Variants in UBE2J2 observed in about 807,000 individuals in gnomAD.
The protein encoded by UBE2J2 is ubiquitin conjugating enzyme E2 J2.
Under a neutral mutation model 28.6 loss-of-function variants are expected in UBE2J2, and 5 were observed. That is an observed-to-expected ratio of 0.17 (90% CI 0.09 to 0.37). The LOEUF is 0.37. UBE2J2 is among the 10% of genes least tolerant of loss of function. The pLI, the probability that UBE2J2 is intolerant of heterozygous loss-of-function variation, is 1.00. For synonymous variants in UBE2J2, 138 were observed against 139.7 expected (o/e 0.99, Z 0.09); for missense variants, 226 against 338.9 (o/e 0.67, Z 2.62).
intron 3 of UBE2J2, among the ~76,000 whole-genome samples, chr1:1,259,298 G>T (rs1639414263): frequency 6.6e-6 from 1 of 151,910 alleles, no homozygotes; most frequent in Admixed American, 6.5e-5. Flanking sequence ...CAGGACGCGT[G>T]TGCACGTGCG....
rs1639047852 is a variant in UBE2J2, at chr1:1,254,075, G to A, written c.*1128C>T. The A allele has an allele frequency of 6.6e-6, 1 of 152,220 alleles. No homozygotes were observed. The highest frequency in any genetic ancestry group is 2.1e-4 in the South Asian group (1 of 4,824). The allele number at this position is 152,220 out of a possible 1,614,324, so 9.4% of individuals were successfully genotyped here. On this transcript the variant is annotated 3_prime_UTR_variant, in exon 7 of 7. Transcript: ENST00000349431. ...TCTCACGCCCGCCTCCGGACAGGGTGGGTTTCTTGCCGGCGGCCGTGCCCC... is the reference window on the plus strand; with the variant it reads ...TCTCACGCCCGCCTCCGGACAGGGTAGGTTTCTTGCCGGCGGCCGTGCCCC...
intron 3 of UBE2J2, among the ~76,000 whole-genome samples, chr1:1,259,508 T>A (rs1267305509): frequency 1.3e-5 from 2 of 152,218 alleles, no homozygotes; most frequent in African/African-American, 4.8e-5. Context: ...CTGTGTAGGA[T>A]GCAGCACCCC....
At chr1:1,263,963 T>C (rs1252686489) in intron 2 of UBE2J2, among the ~76,000 whole-genome samples, 1 of 152,184 alleles carries the variant, frequency 6.6e-6, no homozygotes, top group Admixed American at 6.5e-5. Flanking sequence ...CCACATCCCA[T>C]TTGGGCAACA....
rs1639050897 is a variant in UBE2J2, at chr1:1,254,130, C to A, written c.*1073G>T. The A allele has an allele frequency of 6.6e-6, 1 of 152,194 alleles. No individual in the cohort carries two copies. The highest frequency in any genetic ancestry group is 2.4e-5 in the African/African-American group (1 of 41,440). The allele number at this position is 152,194 out of a possible 1,614,324, so 9.4% of individuals were successfully genotyped here. Reference sequence around the variant, plus strand: ...CGACGCGATGCACCTGCGGTACATCCCACCCAGGCGAAGTCACGGAACAGA... The same window carrying A: ...CGACGCGATGCACCTGCGGTACATCACACCCAGGCGAAGTCACGGAACAGA... On this transcript the variant is annotated 3_prime_UTR_variant, in exon 7 of 7. Transcript: ENST00000349431.
At position 1,268,883 on chromosome 1, in the gene UBE2J2, C is replaced by T. The variant is rs899490897; in HGVS notation, c.1-891G>A. ...GTAGAGCTGGGATCTCACTATGTTG[C>T]CCAAGGTGGTCTCAAACTCCTGGCC... On this transcript the variant is annotated intron_variant, in intron 1 of 6. Transcript: ENST00000349431. The surrounding 1 kb of genome is among the most constrained non-coding windows in gnomAD (Gnocchi z 4.7). Among the ~76,000 whole-genome samples the T allele has an allele frequency of 4.0e-5, 6 of 151,786 alleles. No homozygotes were observed. Among genetic ancestry groups the T allele is most frequent in the African/African-American group, 1.5e-4 (6 of 41,290 alleles).
intron 2 of UBE2J2, among the ~76,000 whole-genome samples, chr1:1,267,325 C>T (rs919902627): frequency 6.6e-6 from 1 of 152,196 alleles, no homozygotes; most frequent in Non-Finnish European, 1.5e-5. Context: ...AGGCACAGGT[C>T]CTCTCGTTGT....
chr1:1,263,142 C>G, intron 3 of UBE2J2: 1 of 554,592 alleles, frequency 1.8e-6, no homozygotes, highest in Non-Finnish European at 3.2e-6. Flanking sequence ...TACAGGCGGC[C>G]CTGCAGGCTG....
intron 1 of UBE2J2, among the ~76,000 whole-genome samples, chr1:1,270,110 C>CCTCT (rs1192693281): frequency 1.3e-5 from 2 of 152,154 alleles, no homozygotes; most frequent in African/African-American, 2.4e-5. Flanking sequence ...GTGAGACATG[C>CCTCT]CTCTTCCCCT....
chr1:1,266,505 G>A (rs944346476), intron 2 of UBE2J2, among the ~76,000 whole-genome samples: 3 of 151,940 alleles, frequency 2.0e-5, no homozygotes, highest in African/African-American at 4.8e-5. Flanking sequence ...CAGCCTGGGC[G>A]ACAGAGCAAG....
chr1:1,256,453 G>A (rs1296006117), intron 5 of UBE2J2: 3 of 294,156 alleles, frequency 1.0e-5, no homozygotes, highest in East Asian at 9.3e-5. Flanking sequence ...AGCCCCTGGC[G>A]GGTGTGGATG....
Position 1,255,335 on chromosome 1 carries a change from G to A in UBE2J2, c.648C>T (p.Leu216=), listed in dbSNP as rs547939548. The A allele has an allele frequency of 3.1e-5, 50 of 1,613,736 alleles. No homozygotes were observed. The highest frequency in any genetic ancestry group is 1.4e-4 in the South Asian group (13 of 91,086). ...GCCGGTTGGCCTGCTGGAGCCCTGCGAGGTTTGGGACGGCCCCCGGCGCAT... is the reference window on the plus strand; with the variant it reads ...GCCGGTTGGCCTGCTGGAGCCCTGCAAGGTTTGGGACGGCCCCCGGCGCAT... The part of the protein sequence containing the change: ...NGHAPGAVPN[L]AGLQQANRHH... Residue 216 remains leucine, a synonymous_variant, in exon 7 of 7, where the codon CTC becomes CTT. Transcript: ENST00000349431.
intron 3 of UBE2J2, chr1:1,263,086 T>C (rs1316344646): frequency 2.3e-6 from 1 of 440,892 alleles, no homozygotes; most frequent in Non-Finnish European, 4.2e-6. Context: ...GGTCTGGTTT[T>C]CTCAGCTATG....
intron 3 of UBE2J2, among the ~76,000 whole-genome samples, chr1:1,261,150 AGGG>A (rs2101054805): frequency 6.6e-6 from 1 of 152,316 alleles, no homozygotes; most frequent in African/African-American, 2.4e-5. Flanking sequence ...GGCAATTCGG[AGGG>A]GTTCCCTGGA....
intron 1 of UBE2J2, among the ~76,000 whole-genome samples, chr1:1,270,873 C>T (rs940855544): frequency 7.2e-5 from 11 of 152,116 alleles, no homozygotes; most frequent in Admixed American, 5.9e-4. Flanking sequence ...CAGCCCTCCT[C>T]GTTCCCAACT....
In UBE2J2 at chr1:1,255,326, G is replaced by C; in HGVS notation, c.657C>G (p.Leu219=). 1 of 1,613,734 alleles carries C rather than the reference G, an allele frequency of 6.2e-7. No individual in the cohort carries two copies. The highest frequency in any genetic ancestry group is 1.3e-5 in the African/African-American group (1 of 75,070). Reference sequence around the variant, plus strand: ...GTCCGTGGTGCCGGTTGGCCTGCTGGAGCCCTGCGAGGTTTGGGACGGCCC... The same window carrying C: ...GTCCGTGGTGCCGGTTGGCCTGCTGCAGCCCTGCGAGGTTTGGGACGGCCC... ...APGAVPNLAG[L]QQANRHHGLL... Residue 219 remains leucine, a synonymous_variant, in exon 7 of 7, where the codon CTC becomes CTG. Transcript: ENST00000349431.
chr1:1,256,972 G>A lies in UBE2J2; in HGVS notation c.414+20C>T, dbSNP rs778043838. 1.2e-5 allele frequency: 18 copies of A among 1,483,000 alleles called. No homozygotes were observed. The South Asian group carries it at 1.9e-4, about 16-fold the overall frequency. 91.9% of individuals were successfully genotyped at this position (1,483,000 alleles called of 1,614,324 possible). On this transcript the variant is annotated intron_variant, in intron 5 of 6. Coordinates refer to ENST00000349431, the MANE Select transcript of UBE2J2 (RefSeq NM_058167.3). ...AGACACAAGGCTGACGGCCCACCAG[G>A]GAGAGGCTCTAAAACTTACCGTGAA...
At chr1:1,257,153 G>C in intron 4 of UBE2J2, 23 bp from the exon 5 acceptor site, 1 of 1,608,112 alleles carries the variant, frequency 6.2e-7, no homozygotes, top group East Asian at 2.2e-5. Flanking sequence ...GGCCCCGTCA[G>C]TGCACACTCC....
intron 5 of UBE2J2, among the ~76,000 whole-genome samples, chr1:1,256,534 C>T (rs1290114200): frequency 6.6e-6 from 1 of 152,192 alleles, no homozygotes; most frequent in African/African-American, 2.4e-5. Context: ...AAGCAGTCTC[C>T]ACGACAGTGC....
Position 1,258,010 on chromosome 1 carries a change from G to A in UBE2J2, c.173-700C>T, listed in dbSNP as rs576560092. 6.1e-4 allele frequency among the ~76,000 whole-genome samples: 92 copies of A among 151,846 alleles called. 1 individual carries two copies. The highest frequency in any genetic ancestry group is 4.6e-3 in the South Asian group (22 of 4,796). On this transcript the variant is annotated intron_variant, in intron 3 of 6. Coordinates refer to ENST00000349431, the MANE Select transcript of UBE2J2 (RefSeq NM_058167.3). ...ACCTGACCTGAAGATCGACCTCAGG[G>A]TCACCCACACGTTCCCACTTTTTTT...
Sources: allele counts gnomAD v4.1 joint callset (sites outside exome capture counted in the v4.1 genomes callset), GRCh38; gene constraint gnomAD v4.1.1; non-coding constraint Gnocchi (gnomAD v3.1); transcripts MANE v1.5; gene names NCBI Gene and HGNC (gene_info 2026-07-23, HGNC 2026-07-21).